Variants in MXI1 observed in about 807,000 individuals in gnomAD.
The protein encoded by MXI1 is max-interacting protein 1.
MXI1 carries 18 observed loss-of-function variants against 36.9 expected under a neutral mutation model. That is an observed-to-expected ratio of 0.49 (90% confidence interval 0.34 to 0.72). The LOEUF (loss-of-function observed/expected upper bound fraction) is 0.72, where lower values mean the gene tolerates loss of function less well. Ranked by LOEUF, MXI1 falls within the 30% of genes least tolerant of loss-of-function variation. MXI1 has a pLI of 0.01. For missense variants in MXI1, 304 were observed against 379.1 expected (o/e 0.80, Z 1.64); for synonymous variants, 160 against 146.7 (o/e 1.09, Z -0.65).
Position 110,286,819 on chromosome 10 carries a change from T to C in MXI1, c.*1832T>C, listed in dbSNP as rs888462504. 1 of 152,234 alleles carries C rather than the reference T, an allele frequency of 6.6e-6. No individual in the cohort carries two copies. The highest frequency in any genetic ancestry group is 2.4e-5 in the African/African-American group (1 of 41,456). 9.4% of individuals were successfully genotyped at this position (152,234 alleles called of 1,614,324 possible). A position where few individuals can be genotyped will look rare whatever the true frequency, so the allele number is the denominator to read the frequency against. On this transcript the variant is annotated 3_prime_UTR_variant, in exon 6 of 6. Transcript: ENST00000332674. ...CTATGTTTCAGTGGAAGAAATTCTT[T>C]GAAGTAGATGTGAGTGAAAAACTGC...
chr10:110,248,983 G>A (rs989352469), intron 3 of MXI1, among the ~76,000 whole-genome samples: 7 of 152,126 alleles, frequency 4.6e-5, no homozygotes, highest in Non-Finnish European at 1.0e-4. Context: ...TAGCAAGAAG[G>A]TGGCACAGGA....
chr10:110,230,741 T>G (rs1855229028), intron 2 of MXI1, among the ~76,000 whole-genome samples: 1 of 152,262 alleles, frequency 6.6e-6, no homozygotes, highest in African/African-American at 2.4e-5. Flanking sequence ...TGTAGGCTTC[T>G]TCTTAATTTT....
chr10:110,279,666 G>A, intron 4 of MXI1, among the ~76,000 whole-genome samples: 1 of 152,282 alleles, frequency 6.6e-6, no homozygotes, highest in South Asian at 2.1e-4. Flanking sequence ...CAGACTTTTA[G>A]AAGTCCATCT....
At chr10:110,248,922 G>A (rs1486392256) in intron 3 of MXI1, among the ~76,000 whole-genome samples, 2 of 152,096 alleles carry the variant, frequency 1.3e-5, no homozygotes, top group Non-Finnish European at 2.9e-5. Context: ...TACCAGTGGT[G>A]GTCTGGCAAA....
intron 2 of MXI1, among the ~76,000 whole-genome samples, chr10:110,238,414 C>T (rs1157369595): frequency 1.3e-5 from 2 of 152,146 alleles, no homozygotes; most frequent in East Asian, 1.9e-4. Context: ...AGCTCTGTCC[C>T]AGGAACTAGG....
At chr10:110,241,607 T>C (rs1218550777) in intron 2 of MXI1, among the ~76,000 whole-genome samples, 1 of 152,010 alleles carries the variant, frequency 6.6e-6, no homozygotes, top group Non-Finnish European at 1.5e-5. Context: ...GCTGACTAAA[T>C]GATAAAGTAG....
chr10:110,241,299 G>T (rs566598031), intron 2 of MXI1, among the ~76,000 whole-genome samples: 15 of 152,068 alleles, frequency 9.9e-5, no homozygotes, highest in Admixed American at 9.8e-4. Context: ...ATTAGTGTTT[G>T]CTCTCAGAGG....
intron 1 of MXI1, among the ~76,000 whole-genome samples, chr10:110,216,433 T>G (rs571369269): frequency 6.6e-6 from 1 of 152,246 alleles, no homozygotes; most frequent in East Asian, 1.9e-4. Flanking sequence ...AGTGTATTAT[T>G]CCAGTGCCAG....
chr10:110,209,310 T>TGTGTGTGTACGTGTGCGC (rs1378770608), intron 1 of MXI1, among the ~76,000 whole-genome samples: 3 of 151,988 alleles, frequency 2.0e-5, no homozygotes, highest in Non-Finnish European at 4.4e-5. Flanking sequence ...GGCGCGAGTG[T>TGTGTGTGTACGTGTGCGC]GTGTGTGTAC....
chr10:110,218,797 C>T (rs1399418620), intron 1 of MXI1, among the ~76,000 whole-genome samples: 1 of 152,182 alleles, frequency 6.6e-6, no homozygotes, highest in African/African-American at 2.4e-5. Flanking sequence ...GGCGCCCGAG[C>T]TTGTAGGGCA....
intron 1 of MXI1, chr10:110,226,458 GGGC>G: frequency 2.3e-6 from 1 of 443,124 alleles, no homozygotes; most frequent in Non-Finnish European, 2.6e-6. Context: ...GTGTGGGGAG[GGGC>G]GTGTGGGGAG....
At chr10:110,247,098 T>C (rs1855895467) in intron 3 of MXI1, among the ~76,000 whole-genome samples, 2 of 152,168 alleles carry the variant, frequency 1.3e-5, no homozygotes, top group Admixed American at 1.3e-4. Flanking sequence ...CTCTCTTTAG[T>C]AACTATTTGG....
At chr10:110,249,576 CAAA>C (rs11436694) in intron 3 of MXI1, among the ~76,000 whole-genome samples, 2 of 100,356 alleles carry the variant, frequency 2.0e-5, no homozygotes, top group African/African-American at 3.2e-5. Flanking sequence ...AAGACTTTGT[CAAA>C]AAAAAAAAAA....
At chr10:110,211,071 GTCTT>G (rs1854500205) in intron 1 of MXI1, among the ~76,000 whole-genome samples, 2 of 136,424 alleles carry the variant, frequency 1.5e-5, no homozygotes, top group Admixed American at 1.4e-4. Flanking sequence ...TGTTGTGTAC[GTCTT>G]TTTTTTTTTT....
intron 2 of MXI1, among the ~76,000 whole-genome samples, chr10:110,234,547 G>A (rs1318684809): frequency 2.0e-5 from 3 of 151,938 alleles, no homozygotes; most frequent in Admixed American, 2.0e-4. Context: ...CCCCATAGAT[G>A]CAGGTGTTAT....
chr10:110,227,293 G>A, intron 1 of MXI1: 4 of 943,100 alleles, frequency 4.2e-6, no homozygotes, highest in African/African-American at 2.1e-5. Flanking sequence ...GGGCGTGCGC[G>A]TGTGGGAGGG....
chr10:110,283,260 T>TC (rs1857322113), intron 5 of MXI1, among the ~76,000 whole-genome samples: 1 of 138,230 alleles, frequency 7.2e-6, no homozygotes, highest in South Asian at 2.5e-4. Context: ...CTCACAAGAA[T>TC]CCACTTTTTT....
chr10:110,232,010 G>T (rs1232634638), intron 2 of MXI1, among the ~76,000 whole-genome samples: 1 of 152,004 alleles, frequency 6.6e-6, no homozygotes, highest in African/African-American at 2.4e-5. Flanking sequence ...GCCCAGGCTG[G>T]AGTGCAGTGG....
At position 110,285,772 on chromosome 10, in the gene MXI1, T is replaced by TG. The variant is rs763845415; in HGVS notation, c.*792dup. 9.2e-5 allele frequency: 14 copies of TG among 152,368 alleles called. No homozygotes were observed. Among genetic ancestry groups the TG allele is most frequent in the South Asian group, 2.1e-4 (1 of 4,816 alleles). The allele number at this position is 152,368 out of a possible 1,614,324, so 9.4% of individuals were successfully genotyped here. On this transcript the variant is annotated 3_prime_UTR_variant, in exon 6 of 6. Transcript: ENST00000332674. Reference sequence around the variant, plus strand: ...TCCTACAAGGCCTATGAGTATGGATTGGGGGGGCCAAAAGGAAAAAGCTCC... The same window carrying TG: ...TCCTACAAGGCCTATGAGTATGGATTGGGGGGGGCCAAAAGGAAAAAGCTCC...
Sources: gnomAD v4.1 joint callset for allele counts (sites outside exome capture counted in the v4.1 genomes callset) on GRCh38, gnomAD v4.1.1 for gene constraint, MANE v1.5 for transcripts, NCBI Gene and HGNC (gene_info 2026-07-23, HGNC 2026-07-21) for gene names.